LOXL1: variants seen among roughly 807,000 people sequenced by gnomAD.
LOXL1 encodes the protein lysyl oxidase like 1.
Under a neutral mutation model 62.2 loss-of-function variants are expected in LOXL1, and 31 were observed. The observed-to-expected ratio is 0.50, with a 90% CI of 0.37 to 0.67. The LOEUF is 0.67. Ranked by LOEUF, LOXL1 falls within the 30% of genes least tolerant of loss-of-function variation. The pLI, the probability that LOXL1 is intolerant of heterozygous loss-of-function variation, is 0.00. For synonymous variants in LOXL1, 403 were observed against 384.4 expected (o/e 1.05, Z -0.56); for missense variants, 775 against 843.4 (o/e 0.92, Z 1.00).
At chr15:73,939,466 G>A (rs2068698617) in intron 1 of LOXL1, among the ~76,000 whole-genome samples, 1 of 152,252 alleles carries the variant, frequency 6.6e-6, no homozygotes, top group Non-Finnish European at 1.5e-5. Context: ...GGAGTCACAG[G>A]AGGCCCTGGT....
intron 1 of LOXL1, among the ~76,000 whole-genome samples, chr15:73,932,943 G>A (rs1422795705): frequency 6.6e-6 from 1 of 152,180 alleles, no homozygotes; most frequent in Non-Finnish European, 1.5e-5. Context: ...TCTCCTTTGA[G>A]AGTCATCAGT....
Position 73,927,171 on chromosome 15 carries a change from G to C in LOXL1, c.388G>C (p.Glu130Gln). Residue 130 changes from glutamate to glutamine, a missense_variant, in exon 1 of 7, where the codon GAG (glutamate) becomes CAG (glutamine). Coordinates refer to ENST00000261921, the MANE Select transcript of LOXL1 (RefSeq NM_005576.4). ...GFGQVPDNWR[E>Q]VAVGDSTGMA... ...TGGCCAGGTGCCCGACAACTGGCGC[G>C]AGGTGGCCGTCGGGGACAGCACGGG... 6.5e-7 allele frequency: 1 copy of C among 1,540,922 alleles called. No homozygotes were observed. The highest frequency in any genetic ancestry group is 8.7e-7 in the Non-Finnish European group (1 of 1,144,864).
At chr15:73,943,274 A>C (rs534695221) in intron 2 of LOXL1, among the ~76,000 whole-genome samples, 1 of 152,354 alleles carries the variant, frequency 6.6e-6, no homozygotes, top group African/African-American at 2.4e-5. Flanking sequence ...CAGGAAACTG[A>C]GGAGCAATGA....
At position 73,927,479 on chromosome 15, in the gene LOXL1, G is replaced by A; in HGVS notation, c.696G>A (p.Ala232=). The part of the protein sequence containing the change: ...AGVIYPYQPR[A]RYEEYGGGEE... ...TCATCTACCCCTACCAGCCCCGGGCGCGCTACGAGGAGTACGGCGGCGGCG... is the reference window on the plus strand; with the variant it reads ...TCATCTACCCCTACCAGCCCCGGGCACGCTACGAGGAGTACGGCGGCGGCG... The change falls in exon 1 of 7, where the codon GCG becomes GCA. Residue 232 remains alanine (A), a synonymous_variant. Coordinates refer to ENST00000261921, the MANE Select transcript of LOXL1 (RefSeq NM_005576.4). 6.9e-7 allele frequency: 1 copy of A among 1,452,960 alleles called. No individual in the cohort carries two copies. The highest frequency in any genetic ancestry group is 9.0e-7 in the Non-Finnish European group (1 of 1,107,162). The allele number at this position is 1,452,960 out of a possible 1,614,324, so 90.0% of individuals were successfully genotyped here.
chr15:73,935,976 C>CGTGTGTGTGTGT (rs2068668992), intron 1 of LOXL1, among the ~76,000 whole-genome samples: 4 of 27,784 alleles, frequency 1.4e-4, no homozygotes, highest in Admixed American at 1.4e-3. Context: ...TGTGTGTGTA[C>CGTGTGTGTGTGT]GCGCATGCAC....
chr15:73,928,274 A>G (rs1037669619), intron 1 of LOXL1: 1 of 183,838 alleles, frequency 5.4e-6, no homozygotes, highest in African/African-American at 2.3e-5. Context: ...TTCCCCCCTT[A>G]GAGATGTTCT....
chr15:73,940,457 T>G (rs1029000079), intron 1 of LOXL1, among the ~76,000 whole-genome samples: 5 of 152,136 alleles, frequency 3.3e-5, no homozygotes, highest in African/African-American at 1.2e-4. Context: ...ATTCCTGTTT[T>G]TTTTTTTTTC....
chr15:73,936,505 C>T (rs1317152398), intron 1 of LOXL1, among the ~76,000 whole-genome samples: 1 of 152,220 alleles, frequency 6.6e-6, no homozygotes, highest in African/African-American at 2.4e-5. Flanking sequence ...TCCCGCTCAG[C>T]ACATATTTCA....
chr15:73,926,587 G>A lies in LOXL1; in HGVS notation c.-197G>A. On this transcript the variant is annotated 5_prime_UTR_variant, in exon 1 of 7. Transcript: ENST00000261921. ...TCGTGCAGCCCTGGGCACCGCCCCT[G>A]CCCTGCCCTGACCCCTTGGCCTTGA... 3 of 553,178 alleles carry A rather than the reference G, an allele frequency of 5.4e-6. No individual in the cohort carries two copies. The highest frequency in any genetic ancestry group is 9.2e-5 in the South Asian group (2 of 21,662). 34.3% of individuals were successfully genotyped at this position (553,178 alleles called of 1,614,324 possible). A position where few individuals can be genotyped will look rare whatever the true frequency, so the allele number is the denominator to read the frequency against.
chr15:73,949,099 T>C (rs2068766865), intron 5 of LOXL1, among the ~76,000 whole-genome samples: 1 of 152,230 alleles, frequency 6.6e-6, no homozygotes, highest in African/African-American at 2.4e-5. Flanking sequence ...GGAATGACTT[T>C]GAGCCTTGGA....
In LOXL1 at chr15:73,949,532, A is replaced by G. The variant is rs747546745; in HGVS notation, c.1676A>G (p.Tyr559Cys). 1.9e-6 allele frequency: 3 copies of G among 1,613,990 alleles called. No homozygotes were observed. Among genetic ancestry groups the G allele is most frequent in the Non-Finnish European group, 2.5e-6 (3 of 1,179,984 alleles). ...TNNVVRCNIHYTGRYVSATNC... is the reference protein window; with the variant it reads ...TNNVVRCNIHCTGRYVSATNC... The stretch of plus-strand genomic sequence containing the variant: ...AACGTGGTGAGATGCAACATTCACT[A>G]CACAGGTCGCTACGTTTCTGCAACA... The change falls in exon 6 of 7, where the codon TAC becomes TGC. Residue 559 changes from tyrosine to cysteine, a missense_variant. Transcript: ENST00000261921.
intron 1 of LOXL1, among the ~76,000 whole-genome samples, chr15:73,936,302 G>A (rs1240034512): frequency 1.3e-5 from 2 of 152,190 alleles, no homozygotes; most frequent in Admixed American, 1.3e-4. Flanking sequence ...CCAAGCAGGT[G>A]TGGCACTGCC....
chr15:73,932,858 A>G (rs968738474), intron 1 of LOXL1, among the ~76,000 whole-genome samples: 5 of 152,228 alleles, frequency 3.3e-5, no homozygotes, highest in Admixed American at 2.0e-4. Context: ...AAGAGTCTTC[A>G]GGCTTAGAAA....
At chr15:73,935,028 A>G (rs1338901090) in intron 1 of LOXL1, among the ~76,000 whole-genome samples, 1 of 152,104 alleles carries the variant, frequency 6.6e-6, no homozygotes, top group African/African-American at 2.4e-5. Context: ...GTGGAAATGG[A>G]GGTATAACAG....
At chr15:73,935,968 T>TGTGTGTGTGTGTGC (rs2068668586) in intron 1 of LOXL1, among the ~76,000 whole-genome samples, 1 of 151,264 alleles carries the variant, frequency 6.6e-6, no homozygotes. Context: ...TGTGTGTGTG[T>TGTGTGTGTGTGTGC]GTGTGTACGC....
intron 1 of LOXL1, 164 bp downstream of exon 1, chr15:73,928,049 C>G: frequency 1.8e-6 from 1 of 542,402 alleles, no homozygotes; most frequent in South Asian, 7.0e-5. Flanking sequence ...CCAACAGCAC[C>G]CCCCTGGCAT....
At position 73,926,811 on chromosome 15, in the gene LOXL1, C is replaced by T; in HGVS notation, c.28C>T (p.Leu10=). 1 of 1,492,810 alleles carries T rather than the reference C, an allele frequency of 6.7e-7. No homozygotes were observed. The highest frequency in any genetic ancestry group is 8.9e-7 in the Non-Finnish European group (1 of 1,120,488). 92.5% of individuals were successfully genotyped at this position (1,492,810 alleles called of 1,614,324 possible). A position where few individuals can be genotyped will look rare whatever the true frequency, so the allele number is the denominator to read the frequency against. The change falls in exon 1 of 7, where the codon CTG becomes TTG. Residue 10 remains leucine, a synonymous_variant. Transcript: ENST00000261921. MALARGSRQ[L]GALVWGACLC... Reference sequence around the variant, plus strand: ...GGCTCTGGCCCGAGGCAGCCGGCAGCTGGGGGCCCTGGTGTGGGGCGCCTG... The same window carrying T: ...GGCTCTGGCCCGAGGCAGCCGGCAGTTGGGGGCCCTGGTGTGGGGCGCCTG...
intron 5 of LOXL1, 111 bp downstream of exon 5, chr15:73,948,013 C>A (rs2304721): frequency 0.057 from 40,828 of 719,662 alleles, 1,844 homozygotes; most frequent in East Asian, 0.21. Context: ...CCCCAGCTGC[C>A]GAGCAGAGGC....
chr15:73,927,626 G>C lies in LOXL1; in HGVS notation c.843G>C (p.Glu281Asp). Residue 281 changes from glutamate to aspartate, a missense_variant, in exon 1 of 7, where the codon GAG becomes GAC. Physicochemically the swap from Glu to Asp is conservative, Grantham distance 45. Transcript: ENST00000261921. ...DRRYSHSLYSEGTPGFEQAYP... is the reference protein window; with the variant it reads ...DRRYSHSLYSDGTPGFEQAYP... ...GCTACTCGCACAGTCTGTACAGCGAGGGCACCCCCGGCTTCGAGCAGGCCT... is the reference window on the plus strand; with the variant it reads ...GCTACTCGCACAGTCTGTACAGCGACGGCACCCCCGGCTTCGAGCAGGCCT... The C allele has an allele frequency of 6.7e-7, 1 of 1,489,372 alleles. No individual in the cohort carries two copies. Among genetic ancestry groups the C allele is most frequent in the South Asian group, 1.3e-5 (1 of 79,160 alleles). 92.3% of individuals were successfully genotyped at this position (1,489,372 alleles called of 1,614,324 possible). A position where few individuals can be genotyped will look rare whatever the true frequency, so the allele number is the denominator to read the frequency against.
Sources: allele counts gnomAD v4.1 joint callset (sites outside exome capture counted in the v4.1 genomes callset), GRCh38; gene constraint gnomAD v4.1.1; transcripts MANE v1.5; gene names NCBI Gene and HGNC (gene_info 2026-07-23, HGNC 2026-07-21).